Variants in KAZN observed in about 807,000 individuals in gnomAD.
KAZN encodes the protein kazrin, periplakin interacting protein.
In KAZN, 40 loss-of-function variants were observed where a neutral mutation model predicts 87.4. The observed-to-expected ratio is 0.46, with a 90% CI of 0.36 to 0.60. The LOEUF is 0.60. KAZN is among the 20% of genes least tolerant of loss of function. The pLI, the probability that KAZN is intolerant of heterozygous loss-of-function variation, is 0.00. For missense variants in KAZN, 898 were observed against 1,073.9 expected (o/e 0.84, Z 2.29); for synonymous variants, 466 against 458.3 (o/e 1.02, Z -0.22).
chr1:14,798,449 A>G lies in KAZN; in HGVS notation c.227-162235A>G, dbSNP rs865819451. 6.4e-4 allele frequency among the ~76,000 whole-genome samples: 51 copies of G among 80,018 alleles called. 1 individual carries two copies. Among genetic ancestry groups the G allele is most frequent in the Admixed American group, 2.4e-3 (12 of 5,070 alleles). The allele number at this position is 80,018 out of a possible 152,430, so 52.5% of individuals were successfully genotyped here. ...TTTTTTTTTTTTTTTTTTTTTTGAG[A>G]CAGAGTCTTGCTCTGTCACCCAGTC... is the stretch of plus-strand genomic sequence containing the variant. On this transcript the variant is annotated intron_variant, in intron 1 of 14. Coordinates refer to ENST00000376030, the MANE Select transcript of KAZN (RefSeq NM_201628.3).
chr1:14,853,258 G>A (rs79243792), intron 1 of KAZN, among the ~76,000 whole-genome samples: 2,237 of 152,218 alleles, frequency 0.015, 67 homozygotes, highest in African/African-American at 0.05. Context: ...TGATGAGAAG[G>A]TGCCCAGGGC....
Position 14,638,397 on chromosome 1 carries a change from C to T in KAZN, c.226+39174C>T, listed in dbSNP as rs1243401033. Among the ~76,000 whole-genome samples, 15 of 152,038 alleles carry T rather than the reference C, an allele frequency of 9.9e-5. No individual in the cohort carries two copies. The East Asian group carries it at 2.9e-3, about 29-fold the overall frequency. On this transcript the variant is annotated intron_variant, in intron 1 of 14. Transcript: ENST00000376030. ...CAGTCTGGCCAGCATGGTGAAACCC[C>T]GTCTCTACTAAAAATACAAAAATTA...
At chr1:14,414,475 C>A (rs2101222485) in intron 2 of KAZN, among the ~76,000 whole-genome samples, 1 of 151,804 alleles carries the variant, frequency 6.6e-6, no homozygotes, top group South Asian at 2.1e-4. Context: ...AATGATTGAA[C>A]CAGGACCACA....
chr1:15,085,730 G>A (rs1334124554), intron 8 of KAZN, among the ~76,000 whole-genome samples: 2 of 152,190 alleles, frequency 1.3e-5, no homozygotes, highest in African/African-American at 4.8e-5. Context: ...AGTTCTGTTG[G>A]ACAGCACTAG....
intron 1 of KAZN, among the ~76,000 whole-genome samples, chr1:14,908,978 A>G (rs2803386): frequency 0.88 from 133,122 of 151,812 alleles, 58,557 homozygotes; most frequent in South Asian, 0.91. Flanking sequence ...GCGAGACTCC[A>G]TCTCAAAAAA....
At chr1:14,239,682 A>G (rs1383096711) in intron 2 of KAZN, among the ~76,000 whole-genome samples, 4 of 150,766 alleles carry the variant, frequency 2.7e-5, no homozygotes, top group Admixed American at 1.3e-4. Flanking sequence ...CTGGTCTCGA[A>G]CTCCCGACCT....
intron 2 of KAZN, among the ~76,000 whole-genome samples, chr1:14,967,137 T>C (rs1185630770): frequency 6.6e-6 from 1 of 152,120 alleles, no homozygotes; most frequent in Non-Finnish European, 1.5e-5. Flanking sequence ...ACCTTGGAGC[T>C]TTTCAGCAGG....
At chr1:14,935,734 C>T (rs1572868355) in intron 1 of KAZN, among the ~76,000 whole-genome samples, 1 of 152,176 alleles carries the variant, frequency 6.6e-6, no homozygotes, top group East Asian at 1.9e-4. Context: ...TGCCCAGCTG[C>T]CAAGGGCTGG....
At chr1:14,729,399 G>A (rs764565653) in intron 1 of KAZN, among the ~76,000 whole-genome samples, 20 of 152,308 alleles carry the variant, frequency 1.3e-4, no homozygotes, top group Non-Finnish European at 1.3e-4. Flanking sequence ...CAGAATAGCC[G>A]GGCTTTCTTC....
intron 13 of KAZN, chr1:15,111,722 G>A (rs11585400): frequency 0.31 from 46,780 of 152,252 alleles, 7,208 homozygotes; most frequent in Middle Eastern, 0.35. Flanking sequence ...GTTACGATCT[G>A]GGAGCCATAT....
chr1:14,416,227 T>C (rs10754855), intron 2 of KAZN, among the ~76,000 whole-genome samples: 139,522 of 152,224 alleles, frequency 0.92, 64,036 homozygotes, highest in East Asian at 0.95. Context: ...ATGTGTCACC[T>C]TACATCTAAC....
chr1:14,040,938 C>T (rs1226583110), intron 1 of KAZN, among the ~76,000 whole-genome samples: 2 of 151,878 alleles, frequency 1.3e-5, no homozygotes, highest in African/African-American at 4.8e-5. Context: ...AGAGAGAAGC[C>T]ATTTTTTACC....
At chr1:14,760,275 C>T (rs900234079) in intron 1 of KAZN, among the ~76,000 whole-genome samples, 2 of 152,160 alleles carry the variant, frequency 1.3e-5, no homozygotes, top group East Asian at 3.9e-4. Context: ...AGAAACGCCC[C>T]CAAGATAGTA....
intron 1 of KAZN, among the ~76,000 whole-genome samples, chr1:14,731,497 T>A (rs1643677098): frequency 6.6e-6 from 1 of 152,142 alleles, no homozygotes. Flanking sequence ...TTTTCTCCCA[T>A]CCTCCCTTTC....
chr1:14,919,548 A>G (rs1223089908), intron 1 of KAZN, among the ~76,000 whole-genome samples: 1 of 152,220 alleles, frequency 6.6e-6, no homozygotes, highest in Non-Finnish European at 1.5e-5. Context: ...TACCCCCTGG[A>G]AAGTTTCACC....
At chr1:14,939,164 G>T (rs1187577742) in intron 1 of KAZN, among the ~76,000 whole-genome samples, 1 of 152,142 alleles carries the variant, frequency 6.6e-6, no homozygotes, top group East Asian at 1.9e-4. Flanking sequence ...GTAGGGACAG[G>T]GTTTCACCAT....
At chr1:14,233,994 T>C (rs184428214) in intron 2 of KAZN, among the ~76,000 whole-genome samples, 21 of 152,302 alleles carry the variant, frequency 1.4e-4, no homozygotes, top group Admixed American at 3.3e-4. Context: ...AGTGTGGTGA[T>C]TCCTCAAGGA....
intron 1 of KAZN, among the ~76,000 whole-genome samples, chr1:14,742,840 C>G (rs114093604): frequency 2.1e-3 from 318 of 152,308 alleles, no homozygotes; most frequent in African/African-American, 7.5e-3. Context: ...CCTGGAGTCA[C>G]CAGGGTTCAG....
At chr1:14,849,062 G>A (rs1454360404) in intron 1 of KAZN, among the ~76,000 whole-genome samples, 3 of 152,290 alleles carry the variant, frequency 2.0e-5, no homozygotes, top group South Asian at 4.1e-4. Flanking sequence ...ACAGACCAGC[G>A]AACTGAGGCT....
Sources: gnomAD v4.1 joint callset for allele counts (sites outside exome capture counted in the v4.1 genomes callset) on GRCh38, gnomAD v4.1.1 for gene constraint, MANE v1.5 for transcripts, NCBI Gene and HGNC (gene_info 2026-07-23, HGNC 2026-07-21) for gene names.